Variants in FOXP3 observed in about 807,000 individuals in gnomAD.
The protein encoded by FOXP3 is forkhead box protein P3.
A neutral mutation model predicts 31.2 loss-of-function variants in FOXP3; 5 were observed. The ratio of observed to expected loss-of-function variants is 0.16; its 90% CI spans 0.08 to 0.34. The LOEUF (loss-of-function observed/expected upper bound fraction) is 0.34. Ranked by LOEUF, FOXP3 falls within the 10% of genes least tolerant of loss-of-function variation. FOXP3 has a pLI of 1.00. For missense variants in FOXP3, 251 were observed against 363.0 expected (o/e 0.69, Z 2.51); for synonymous variants, 141 against 148.8 (o/e 0.95, Z 0.38).
At chrX:49,259,942 A>T (rs782588682) in intron 1 of FOXP3, among the ~76,000 whole-genome samples, 3 of 111,013 alleles carry the variant, frequency 2.7e-5, no homozygotes, top group Non-Finnish European at 5.7e-5. Context: ...AGCCCGGGGG[A>T]GTATAGAAGG....
At chrX:49,252,853 C>A (rs2066042617) in intron 10 of FOXP3, among the ~76,000 whole-genome samples, 1 of 109,770 alleles carries the variant, frequency 9.1e-6, no homozygotes, top group Non-Finnish European at 1.9e-5. Flanking sequence ...AGGTATGGGG[C>A]TGAGGTGGAC....
At chrX:49,259,722 G>A (rs1557116957) in intron 1 of FOXP3, among the ~76,000 whole-genome samples, 2 of 111,800 alleles carry the variant, frequency 1.8e-5, no homozygotes, top group Non-Finnish European at 3.8e-5. Flanking sequence ...AGCCAGAGCT[G>A]GAAGGGACTG....
chrX:49,255,612 T>G, intron 7 of FOXP3, 103 bp from the exon 8 acceptor site: 2 of 1,106,698 alleles, frequency 1.8e-6, no homozygotes, highest in Non-Finnish European at 1.2e-6. Context: ...CTTCCTTCCT[T>G]TATACCAGCC....
At chrX:49,259,887 C>T (rs376704229) in intron 1 of FOXP3, among the ~76,000 whole-genome samples, 27 of 111,619 alleles carry the variant, frequency 2.4e-4, no homozygotes, top group East Asian at 1.1e-3. Context: ...TCCATCTCCC[C>T]GTTCCACCTC....
chrX:49,262,488 T>TAGTC (rs1250036890), intron 1 of FOXP3, among the ~76,000 whole-genome samples: 2 of 112,012 alleles, frequency 1.8e-5, no homozygotes, highest in African/African-American at 6.5e-5. Flanking sequence ...ATTGAGTGAA[T>TAGTC]AGTCAGTCCA....
chrX:49,254,184 T>A, intron 8 of FOXP3, 117 bp from the exon 9 acceptor site: 1 of 873,562 alleles, frequency 1.1e-6, no homozygotes. Context: ...CAGGCTGGAG[T>A]GCAGTGGTGC....
At chrX:49,263,019 G>GA (rs2147952456) in intron 1 of FOXP3, among the ~76,000 whole-genome samples, 1 of 110,569 alleles carries the variant, frequency 9.0e-6, no homozygotes, top group Non-Finnish European at 1.9e-5. Flanking sequence ...TAAACAAATA[G>GA]AAAAAAAGCA....
chrX:49,262,196 T>A (rs1458270353), intron 1 of FOXP3, among the ~76,000 whole-genome samples: 1 of 112,677 alleles, frequency 8.9e-6, no homozygotes, highest in African/African-American at 3.2e-5. Flanking sequence ...GGTCTCTGGC[T>A]GGTTCAACTG....
Position 49,256,220 on chromosome X carries a change from A to AAGAGAGAGAG in FOXP3, c.648-428_648-419dup, listed in dbSNP as rs782303757. Among the ~76,000 whole-genome samples the AAGAGAGAGAG allele has an allele frequency of 1.5e-4, 10 of 67,027 alleles. No individual in the cohort carries two copies. In the East Asian group the frequency reaches 3.1e-3, roughly 21 times the overall value. 58.2% of individuals were successfully genotyped at this position (67,027 alleles called of 115,157 possible). A position where few individuals can be genotyped will look rare whatever the true frequency, so the allele number is the denominator to read the frequency against. The stretch of plus-strand genomic sequence containing the variant: ...TGTGTGTGTGTGTGAGAGAGAGAGA[A>AAGAGAGAGAG]AGAGAGAGAGAGAGAGAGAGAGAGA... On this transcript the variant is annotated intron_variant, in intron 6 of 11. Coordinates refer to ENST00000376207, the MANE Select transcript of FOXP3 (RefSeq NM_014009.4).
chrX:49,262,891 A>G lies in FOXP3; in HGVS notation c.-23+1770T>C, dbSNP rs369001724. Among the ~76,000 whole-genome samples the G allele has an allele frequency of 3.6e-5, 4 of 111,727 alleles. No homozygotes were observed. In the South Asian group the frequency reaches 1.5e-3, roughly 42 times the overall value. Reference sequence around the variant, plus strand: ...TAGAAGCCAACATAGGTGAACATTTATCTCATTTTCAAGTAGGAAAGGACT... The same window carrying G: ...TAGAAGCCAACATAGGTGAACATTTGTCTCATTTTCAAGTAGGAAAGGACT... On this transcript the variant is annotated intron_variant, in intron 1 of 11. Transcript: ENST00000376207.
Position 49,251,179 on chromosome X carries a change from A to G in FOXP3, c.*155T>C, listed in dbSNP as rs1602678895. The G allele has an allele frequency of 1.4e-6, 1 of 691,130 alleles. No individual in the cohort carries two copies. Among genetic ancestry groups the G allele is most frequent in the Non-Finnish European group, 2.1e-6 (1 of 468,355 alleles). 57.0% of individuals were successfully genotyped at this position (691,130 alleles called of 1,213,427 possible). ...TATGATGGGGGAGGGGGTGGCTGCCAGCGGGGGAACAGGGGCCCTGGCAGG... is the reference window on the plus strand; with the variant it reads ...TATGATGGGGGAGGGGGTGGCTGCCGGCGGGGGAACAGGGGCCCTGGCAGG... On this transcript the variant is annotated 3_prime_UTR_variant, in exon 12 of 12. Coordinates refer to ENST00000376207, the MANE Select transcript of FOXP3 (RefSeq NM_014009.4).
In FOXP3 at chrX:49,264,710, T is replaced by A. The variant is rs781840839; in HGVS notation, c.-72A>T. On this transcript the variant is annotated 5_prime_UTR_variant, in exon 1 of 12. Coordinates refer to ENST00000376207, the MANE Select transcript of FOXP3 (RefSeq NM_014009.4). ...AGGATCAGCCTGGCTTGTGGGAAAC[T>A]GTCACGTATCAAAAACAACTTTGCT... 2.7e-6 allele frequency: 2 copies of A among 751,827 alleles called. No individual in the cohort carries two copies. The highest frequency in any genetic ancestry group is 3.1e-6 in the Non-Finnish European group (2 of 638,820). The allele number at this position is 751,827 out of a possible 1,213,427, so 62.0% of individuals were successfully genotyped here.
In FOXP3 at chrX:49,255,795, G is replaced by T; in HGVS notation, c.655C>A (p.Gln219Lys). The T allele has an allele frequency of 1.0e-5, 12 of 1,204,964 alleles. No homozygotes were observed. The highest frequency in any genetic ancestry group is 1.3e-5 in the Non-Finnish European group (12 of 891,328). ...TTCTCATCCAGAAGATGGTCCGCCTGGCAGTGCCTAAGTAGGGAGAAGATT... is the reference window on the plus strand; with the variant it reads ...TTCTCATCCAGAAGATGGTCCGCCTTGCAGTGCCTAAGTAGGGAGAAGATT... ...EEPEDFLKHC[Q>K]ADHLLDEKGR... The change falls in exon 7 of 12, where the codon CAG becomes AAG. Residue 219 changes from glutamine (Q) to lysine (K), a missense_variant. Gln to Lys is a moderately conservative substitution (Grantham distance 53). Transcript: ENST00000376207.
rs116597509 is a variant in FOXP3 at position 49,253,719 on chromosome X, T to C, written c.967+198A>G. On this transcript the variant is annotated intron_variant, in intron 9 of 11. Coordinates refer to ENST00000376207, the MANE Select transcript of FOXP3 (RefSeq NM_014009.4). ...GCTAGGGGCCCGACACTCGAGACCA[T>C]ATGGGGGGCTTTCAGGCCACGGACA... Among the ~76,000 whole-genome samples, 175 of 111,301 alleles carry C rather than the reference T, an allele frequency of 1.6e-3. 1 individual carries two copies. The highest frequency in any genetic ancestry group is 5.2e-3 in the African/African-American group (161 of 30,745).
At chrX:49,252,000 G>A (rs1391402820) in intron 10 of FOXP3, 1 of 621,015 alleles carries the variant, frequency 1.6e-6, no homozygotes, top group Non-Finnish European at 1.9e-6. Flanking sequence ...TTAGGTAAGG[G>A]ATCAGGACTG....
intron 6 of FOXP3, among the ~76,000 whole-genome samples, chrX:49,256,227 AGAGAG>A (rs2066070765): frequency 1.5e-3 from 18 of 12,209 alleles, no homozygotes; most frequent in Non-Finnish European, 1.9e-3. Flanking sequence ...AGAAAGAGAG[AGAGAG>A]AGAGAGAGAG....
chrX:49,258,318 G>A lies in FOXP3; in HGVS notation c.188C>T (p.Pro63Leu), dbSNP rs1557116691. 12 of 1,165,075 alleles carry A rather than the reference G, an allele frequency of 1.0e-5. No individual in the cohort carries two copies. Among genetic ancestry groups the A allele is most frequent in the Non-Finnish European group, 1.4e-5 (12 of 871,608 alleles). ...CACCTGCAGCTGCGATGGTGGCATG[G>A]GGTTCAAGGAAGAAGAGGAGGCATG... is the stretch of plus-strand genomic sequence containing the variant. Reference protein sequence around the residue: ...GAHASSSSLNPMPPSQLQLPT... With the variant: ...GAHASSSSLNLMPPSQLQLPT... The change falls in exon 2 of 12, where the codon CCC becomes CTC. Residue 63 changes from proline to leucine, a missense_variant. Physicochemically the swap from Pro to Leu is moderately conservative, Grantham distance 98. This residue lies in a region of FOXP3 where 152 missense variants were observed against 188.1 expected (regional missense o/e 0.81). Transcript: ENST00000376207.
intron 1 of FOXP3, among the ~76,000 whole-genome samples, chrX:49,260,635 C>T (rs781915456): frequency 1.5e-4 from 17 of 112,503 alleles, no homozygotes; most frequent in African/African-American, 4.5e-4. Context: ...GCTGGGCAGC[C>T]GGCTTCCTGC....
chrX:49,262,130 G>A (rs1353881833), intron 1 of FOXP3, among the ~76,000 whole-genome samples: 1 of 112,493 alleles, frequency 8.9e-6, no homozygotes, highest in Non-Finnish European at 1.9e-5. Context: ...CACATGCATG[G>A]AGAGCCAGAG....
Sources: gnomAD v4.1 joint callset for allele counts (sites outside exome capture counted in the v4.1 genomes callset) on GRCh38, gnomAD v4.1.1 for gene constraint, gnomAD v4.1.1 regional missense constraint, MANE v1.5 for transcripts, NCBI Gene and HGNC (gene_info 2026-07-23, HGNC 2026-07-21) for gene names.